HACE1: variants seen among roughly 807,000 people sequenced by gnomAD.
HACE1 encodes the protein E3 ubiquitin-protein ligase HACE1.
In HACE1, 73 loss-of-function variants were observed where a neutral mutation model predicts 118.4. The ratio of observed to expected loss-of-function variants is 0.62; its 90% CI spans 0.51 to 0.75. The LOEUF is 0.75. Ranked by LOEUF, HACE1 falls within the 30% of genes least tolerant of loss-of-function variation. The pLI, the probability that HACE1 is intolerant of heterozygous loss-of-function variation, is 0.00. For synonymous variants in HACE1, 368 were observed against 374.8 expected, an observed-to-expected ratio of 0.98 and a Z score of 0.21; for missense variants, 749 against 1,102.2, an observed-to-expected ratio of 0.68 and a Z score of 4.54.
At chr6:104,821,331 CAAAAT>C (rs1562447642) in intron 6 of HACE1, among the ~76,000 whole-genome samples, 1 of 151,546 alleles carries the variant, frequency 6.6e-6, no homozygotes, top group African/African-American at 2.4e-5. Context: ...CCCCTGAACT[CAAAAT>C]AAAAGTTAAA....
At chr6:104,839,426 G>A (rs934186666) in intron 5 of HACE1, among the ~76,000 whole-genome samples, 7 of 152,138 alleles carry the variant, frequency 4.6e-5, no homozygotes, top group Non-Finnish European at 8.8e-5. Flanking sequence ...ATCCCCAAAG[G>A]TTCCATACAA....
At chr6:104,767,717 C>T (rs769568508) in intron 19 of HACE1, among the ~76,000 whole-genome samples, 7 of 152,188 alleles carry the variant, frequency 4.6e-5, no homozygotes, top group South Asian at 2.1e-4. Flanking sequence ...CTAAGCTCCA[C>T]AACTCTGATC....
At position 104,859,586 on chromosome 6, in the gene HACE1, G is replaced by A. The variant is rs1199675203; in HGVS notation, c.57C>T (p.Arg19=). The A allele has an allele frequency of 9.8e-6, 15 of 1,526,774 alleles. No individual in the cohort carries two copies. In the African/African-American group the frequency reaches 2.0e-4, roughly 20 times the overall value. The allele number at this position is 1,526,774 out of a possible 1,614,324, so 94.6% of individuals were successfully genotyped here. ...NRLTRSLRRA[R]TVELPEDNET... is the part of the protein sequence containing the mutation. ...GCTCACCCTCGGGCAACTCCACGGT[G>A]CGCGCGCGGCGCAGCGAGCGCGTCA... Residue 19 remains arginine, a synonymous_variant, in exon 1 of 24, where the codon CGC becomes CGT. Transcript: ENST00000262903.
intron 7 of HACE1, 92 bp from the exon 8 acceptor site, chr6:104,797,117 A>G (rs1769741811): frequency 2.6e-6 from 2 of 764,876 alleles, no homozygotes; most frequent in Non-Finnish European, 4.7e-6. Context: ...ATGGAAGAGT[A>G]TCACTTTTAA....
In HACE1 at chr6:104,848,905, AAT is replaced by A. The variant is rs1480759688; in HGVS notation, c.326+235_326+236del. ...TTAGTGAGAATCTAATAAATTAATA[AAT>A]ATGATAGCTATTTTTAAATTGAATA... On this transcript the variant is annotated intron_variant, in intron 4 of 23. Transcript: ENST00000262903. Among the ~76,000 whole-genome samples, 5 of 152,346 alleles carry A rather than the reference AAT, an allele frequency of 3.3e-5. No individual in the cohort carries two copies. The East Asian group carries it at 9.6e-4, about 29-fold the overall frequency.
At position 104,849,127 on chromosome 6, in the gene HACE1, A is replaced by G. The variant is rs369635015; in HGVS notation, c.326+15T>C. ...ATAATACAACTTAAGCCACTTAAGA[A>G]AACTAAATAGTTACCCATTTCTTGC... On this transcript the variant is annotated intron_variant, in intron 4 of 23. Transcript: ENST00000262903. The G allele has an allele frequency of 4.2e-6, 6 of 1,422,232 alleles. No individual in the cohort carries two copies. The Admixed American group carries it at 5.0e-5, about 12-fold the overall frequency. The allele number at this position is 1,422,232 out of a possible 1,614,324, so 88.1% of individuals were successfully genotyped here. A position where few individuals can be genotyped will look rare whatever the true frequency, so the allele number is the denominator to read the frequency against.
rs1429788271 is a variant in HACE1, at chr6:104,852,222, TGTGTGTGCGCGC to T, written c.131+83_131+94del. 9 of 717,016 alleles carry T rather than the reference TGTGTGTGCGCGC, an allele frequency of 1.3e-5. No individual in the cohort carries two copies. In the African/African-American group the frequency reaches 1.6e-4, roughly 13 times the overall value. 44.4% of individuals were successfully genotyped at this position (717,016 alleles called of 1,614,324 possible). A position where few individuals can be genotyped will look rare whatever the true frequency, so the allele number is the denominator to read the frequency against. On this transcript the variant is annotated intron_variant, in intron 2 of 23. Coordinates refer to ENST00000262903, the MANE Select transcript of HACE1 (RefSeq NM_020771.4). ...GTCTGTGTGTGTGTGTGTGTGTGTG[TGTGTGTGCGCGC>T]GTGCGCGTGCACGGGCATGCAGTAC... is the stretch of plus-strand genomic sequence containing the variant.
chr6:104,851,286 G>C (rs1562512260), intron 2 of HACE1, among the ~76,000 whole-genome samples: 1 of 152,176 alleles, frequency 6.6e-6, no homozygotes, highest in Non-Finnish European at 1.5e-5. Flanking sequence ...GTTTCACCAA[G>C]TTGGCCAAGA....
chr6:104,756,049 GA>G (rs1227682987), intron 19 of HACE1, among the ~76,000 whole-genome samples: 1 of 152,012 alleles, frequency 6.6e-6, no homozygotes, highest in Non-Finnish European at 1.5e-5. Context: ...GACTAATGAA[GA>G]AAAGTGAGAA....
In HACE1 at chr6:104,785,064, C is replaced by T; in HGVS notation, c.1330G>A (p.Val444Ile). Residue 444 changes from valine (V) to isoleucine (I), a missense_variant, in exon 12 of 24, where the codon GTT becomes ATT. This residue lies in a region of HACE1 where 195 missense variants were observed against 322.1 expected (regional missense o/e 0.61). Coordinates refer to ENST00000262903, the MANE Select transcript of HACE1 (RefSeq NM_020771.4). ...AGCCGGTTAGCTGTCATAGAAATAACATCCTGACAATCTGCACTGGCTTCC... is the reference window on the plus strand; with the variant it reads ...AGCCGGTTAGCTGTCATAGAAATAATATCCTGACAATCTGCACTGGCTTCC... ...RQEASADCQDVISMTANRLSA... is the reference protein window; with the variant it reads ...RQEASADCQDIISMTANRLSA... The T allele has an allele frequency of 6.2e-7, 1 of 1,613,852 alleles. No homozygotes were observed. The highest frequency in any genetic ancestry group is 8.5e-7 in the Non-Finnish European group (1 of 1,179,918).
chr6:104,748,240 A>C (rs1777649415), intron 20 of HACE1, among the ~76,000 whole-genome samples: 1 of 116,388 alleles, frequency 8.6e-6, no homozygotes, highest in Admixed American at 7.8e-5. Flanking sequence ...CCTACAAATC[A>C]GTAAAAAGAA....
chr6:104,737,806 C>T (rs547655649), intron 22 of HACE1, among the ~76,000 whole-genome samples: 2 of 152,320 alleles, frequency 1.3e-5, no homozygotes, highest in Non-Finnish European at 2.9e-5. Flanking sequence ...CGGGGAAGCC[C>T]GAACTGGGTG....
intron 6 of HACE1, among the ~76,000 whole-genome samples, chr6:104,823,735 CAA>C (rs895816900): frequency 8.7e-5 from 13 of 149,916 alleles, no homozygotes; most frequent in African/African-American, 2.9e-4. Flanking sequence ...GAAATGAGTG[CAA>C]AGTCATCTAT....
chr6:104,835,470 T>G (rs1012149551), intron 5 of HACE1, among the ~76,000 whole-genome samples: 1 of 152,106 alleles, frequency 6.6e-6, no homozygotes, highest in East Asian at 1.9e-4. Context: ...AAATTAATAC[T>G]ATGATAGAGA....
chr6:104,784,944 C>A, intron 12 of HACE1, 41 bp downstream of exon 12: 2 of 1,215,298 alleles, frequency 1.6e-6, no homozygotes, highest in Non-Finnish European at 2.4e-6. Context: ...TTTTCATCAT[C>A]TATCAGAGAA....
chr6:104,809,859 C>G (rs952084225), intron 7 of HACE1, among the ~76,000 whole-genome samples: 1 of 150,618 alleles, frequency 6.6e-6, no homozygotes, highest in Non-Finnish European at 1.5e-5. Context: ...CTAATAAATT[C>G]CAAGTTCACA....
intron 14 of HACE1, among the ~76,000 whole-genome samples, chr6:104,779,480 T>G (rs948690091): frequency 1.3e-5 from 2 of 152,232 alleles, no homozygotes; most frequent in Non-Finnish European, 2.9e-5. Flanking sequence ...ATGTGTAATT[T>G]TGTCCATACT....
intron 22 of HACE1, among the ~76,000 whole-genome samples, chr6:104,739,043 C>G (rs1398324678): frequency 1.3e-5 from 2 of 150,010 alleles, no homozygotes; most frequent in Non-Finnish European, 3.0e-5. Flanking sequence ...AATTTTCAAC[C>G]CAGAATTTCA....
intron 22 of HACE1, among the ~76,000 whole-genome samples, chr6:104,739,356 A>G (rs1400563245): frequency 5.9e-5 from 9 of 152,224 alleles, no homozygotes; most frequent in Non-Finnish European, 1.3e-4. Flanking sequence ...GCTCCAATTA[A>G]AAGACACAGA....
Sources: gnomAD v4.1 joint callset for allele counts (sites outside exome capture counted in the v4.1 genomes callset) on GRCh38, gnomAD v4.1.1 for gene constraint, gnomAD v4.1.1 regional missense constraint, MANE v1.5 for transcripts, NCBI Gene and HGNC (gene_info 2026-07-23, HGNC 2026-07-21) for gene names.